PPP2R5C: variants seen among roughly 807,000 people sequenced by gnomAD.
PPP2R5C encodes the protein serine/threonine-protein phosphatase 2A 56 kDa regulatory subunit gamma isoform.
PPP2R5C carries 7 observed loss-of-function variants against 68.9 expected under a neutral mutation model. That is an observed-to-expected ratio of 0.10 (90% CI 0.06 to 0.19). The LOEUF (loss-of-function observed/expected upper bound fraction) is 0.19, where lower values mean the gene tolerates loss of function less well. PPP2R5C is among the 10% of genes least tolerant of loss of function. The pLI is 1.00. For synonymous variants in PPP2R5C, 210 were observed against 222.2 expected (o/e 0.95, Z 0.49); for missense variants, 348 against 641.3 (o/e 0.54, Z 4.94).
rs1000020103 is a variant in PPP2R5C, at chr14:101,853,261, TA to T, written c.95-3415del. Reference sequence around the variant, plus strand: ...TTTTTTTAAAACAGTAAAATTCTTTTAAAAAAAAAATAGTCAAATGAGATTT... The same window carrying T: ...TTTTTTTAAAACAGTAAAATTCTTTTAAAAAAAAATAGTCAAATGAGATTT... On this transcript the variant is annotated intron_variant, in intron 1 of 13. Coordinates refer to ENST00000334743, the Ensembl canonical transcript of PPP2R5C. Among the ~76,000 whole-genome samples the T allele has an allele frequency of 7.4e-4, 110 of 148,818 alleles. 1 individual carries two copies. The highest frequency in any genetic ancestry group is 1.9e-3 in the African/African-American group (76 of 40,596).
At chr14:101,926,561 T>C (rs1322329683) in exon 14 of PPP2R5C, 1 of 152,664 alleles carries the variant, frequency 6.6e-6, no homozygotes, top group African/African-American at 2.4e-5. Flanking sequence ...TTTGACTTAT[T>C]TATCCTGCTT....
At chr14:101,792,899 A>G (rs2038425952) in intron 3 of PPP2R5C, among the ~76,000 whole-genome samples, 1 of 139,458 alleles carries the variant, frequency 7.2e-6, no homozygotes, top group Non-Finnish European at 1.5e-5. Context: ...TTTTTTTTTG[A>G]GACAGTCTCA....
intron 1 of PPP2R5C, among the ~76,000 whole-genome samples, chr14:101,836,871 C>A (rs949194906): frequency 1.3e-5 from 2 of 152,234 alleles, no homozygotes; most frequent in African/African-American, 2.4e-5. Context: ...CAGGGTTATT[C>A]ATCACGCTAA....
intron 1 of PPP2R5C, among the ~76,000 whole-genome samples, chr14:101,855,056 A>G (rs902755405): frequency 1.2e-4 from 19 of 152,054 alleles, no homozygotes; most frequent in East Asian, 3.9e-4. Context: ...TGTAGTCCCA[A>G]TTACTGGGGA....
chr14:101,821,448 G>GGTGT (rs1491127692), intron 1 of PPP2R5C, among the ~76,000 whole-genome samples: 2 of 58,816 alleles, frequency 3.4e-5, no homozygotes, highest in Non-Finnish European at 9.0e-5. Flanking sequence ...GGGGTGGGTG[G>GGTGT]GTGGGTGTGT....
chr14:101,925,889 CTT>C (rs2047272353), exon 14 of PPP2R5C: 1 of 152,614 alleles, frequency 6.6e-6, no homozygotes, highest in South Asian at 2.1e-4. Flanking sequence ...GTCTCCTTCT[CTT>C]GTGTGTACCT....
intron 1 of PPP2R5C, among the ~76,000 whole-genome samples, chr14:101,851,841 GT>G (rs2140516636): frequency 6.6e-6 from 1 of 151,922 alleles, no homozygotes; most frequent in East Asian, 1.9e-4. Context: ...CCTATCCACA[GT>G]TTACATGATG....
intron 1 of PPP2R5C, among the ~76,000 whole-genome samples, chr14:101,837,335 T>C (rs10431643): frequency 0.21 from 32,214 of 151,736 alleles, 3,931 homozygotes; most frequent in African/African-American, 0.34. Context: ...TTAGTAGAGA[T>C]GGGGTTTCTC....
chr14:101,796,715 C>A, intron 3 of PPP2R5C: 1 of 171,742 alleles, frequency 5.8e-6, no homozygotes, highest in Non-Finnish European at 1.3e-5. Flanking sequence ...ACTCCATGGT[C>A]AGTCTCAGCT....
chr14:101,851,020 T>C (rs955515437), intron 1 of PPP2R5C, among the ~76,000 whole-genome samples: 9 of 152,262 alleles, frequency 5.9e-5, no homozygotes, highest in African/African-American at 2.2e-4. Context: ...TCGCTAAATG[T>C]TGGCTCCTGC....
chr14:101,830,525 G>A (rs185982453), intron 1 of PPP2R5C, among the ~76,000 whole-genome samples: 72 of 152,290 alleles, frequency 4.7e-4, no homozygotes, highest in African/African-American at 1.4e-3. Flanking sequence ...TGGATTGGAC[G>A]TGCTTTGGAC....
exon 2 of PPP2R5C, chr14:101,856,716 T>G: frequency 6.2e-7 from 1 of 1,614,180 alleles, no homozygotes; most frequent in Non-Finnish European, 8.5e-7. Context: ...GAGAAGCTTT[T>G]TATCCAGAAG....
At chr14:101,823,489 A>T (rs187579766) in intron 1 of PPP2R5C, among the ~76,000 whole-genome samples, 1 of 152,368 alleles carries the variant, frequency 6.6e-6, no homozygotes, top group African/African-American at 2.4e-5. Context: ...ACAGCATGAT[A>T]GATACCCAAA....
At chr14:101,878,989 C>T (rs1340500767) in intron 2 of PPP2R5C, among the ~76,000 whole-genome samples, 1 of 152,198 alleles carries the variant, frequency 6.6e-6, no homozygotes, top group African/African-American at 2.4e-5. Flanking sequence ...TAAATAACAT[C>T]TTAGGCAAGT....
chr14:101,903,386 G>T (rs993225347), intron 9 of PPP2R5C, among the ~76,000 whole-genome samples: 4 of 152,238 alleles, frequency 2.6e-5, no homozygotes, highest in African/African-American at 9.6e-5. Context: ...CCGCGCAGCT[G>T]CCAGTGGCTT....
upstream of PPP2R5C, chr14:101,761,705 C>A: frequency 2.2e-6 from 1 of 461,522 alleles, no homozygotes; most frequent in Non-Finnish European, 2.8e-6. Context: ...CCGCCGCCGC[C>A]GCCGCCGCCG....
At position 101,793,473 on chromosome 14, in the gene PPP2R5C, C is replaced by T. The variant is rs755511102; in HGVS notation, c.259+7290C>T. 2.8e-4 allele frequency among the ~76,000 whole-genome samples: 43 copies of T among 152,254 alleles called. 1 individual carries two copies. The highest frequency in any genetic ancestry group is 4.6e-4 in the Non-Finnish European group (31 of 68,046). The stretch of plus-strand genomic sequence containing the variant: ...CCCCTTCAGCGCCAGCAAGGGCGAT[C>T]TCCACTTACTCGCTGCTCCACCCCT... On this transcript the variant is annotated intron_variant, in intron 3 of 14. Transcript: ENST00000328724.
At chr14:101,907,001 C>T (rs1224541521) in intron 10 of PPP2R5C, among the ~76,000 whole-genome samples, 3 of 152,162 alleles carry the variant, frequency 2.0e-5, no homozygotes, top group Non-Finnish European at 2.9e-5. Context: ...CTGAACACAG[C>T]CCCATAGTCC....
chr14:101,871,315 C>T (rs1217909415), intron 2 of PPP2R5C, among the ~76,000 whole-genome samples: 1 of 152,090 alleles, frequency 6.6e-6, no homozygotes, highest in African/African-American at 2.4e-5. Flanking sequence ...AATCTCTGCT[C>T]ACTGCAAGCT....
Sources: gnomAD v4.1 joint callset for allele counts (sites outside exome capture counted in the v4.1 genomes callset) on GRCh38, gnomAD v4.1.1 for gene constraint, MANE v1.5 for transcripts, NCBI Gene and HGNC (gene_info 2026-07-23, HGNC 2026-07-21) for gene names.